UBR4: variants seen among roughly 807,000 people sequenced by gnomAD.
UBR4 encodes E3 ubiquitin-protein ligase UBR4.
A neutral mutation model predicts 575.6 loss-of-function variants in UBR4; 124 were observed. The ratio of observed to expected loss-of-function variants is 0.22; its 90% confidence interval spans 0.19 to 0.25. UBR4 has a LOEUF of 0.25. Ranked by LOEUF, UBR4 falls within the 10% of genes least tolerant of loss-of-function variation. UBR4 has a pLI of 1.00. For missense variants in UBR4, 4,818 were observed against 6,478.8 expected, an observed-to-expected ratio of 0.74 and a Z score of 8.80; for synonymous variants, 2,455 against 2,473.7, an observed-to-expected ratio of 0.99 and a Z score of 0.22.
intron 44 of UBR4, 109 bp downstream of exon 44, chr1:19,154,809 G>C (rs1286454029): frequency 6.7e-7 from 1 of 1,490,568 alleles, no homozygotes; most frequent in Non-Finnish European, 9.2e-7. Context: ...AGGTTGGCTG[G>C]AGAAAATTAA....
chr1:19,080,982 G>T, intron 103 of UBR4: 1 of 190,202 alleles, frequency 5.3e-6, no homozygotes, highest in East Asian at 1.3e-4. Flanking sequence ...ACCCCATGTG[G>T]CCACACTGAA....
intron 58 of UBR4, 80 bp downstream of exon 58, chr1:19,140,708 C>A: frequency 7.2e-7 from 1 of 1,388,326 alleles, no homozygotes; most frequent in Admixed American, 2.0e-5. Context: ...AAGCAGCTGC[C>A]CATTACACTC....
intron 90 of UBR4, among the ~76,000 whole-genome samples, chr1:19,098,462 C>T (rs2078280980): frequency 6.6e-6 from 1 of 152,210 alleles, no homozygotes; most frequent in Admixed American, 6.5e-5. Context: ...AAGGGAGATA[C>T]CCTGGTGCAT....
chr1:19,164,766 T>C, intron 32 of UBR4, 33 bp downstream of exon 32: 1 of 1,606,962 alleles, frequency 6.2e-7, no homozygotes, highest in South Asian at 1.1e-5. Flanking sequence ...CTGGGGTTGC[T>C]AGGGAAACAC....
At chr1:19,148,662 C>T (rs1290543542) in intron 49 of UBR4, 36 bp from the exon 50 acceptor site, 42 of 1,611,754 alleles carry the variant, frequency 2.6e-5, no homozygotes, top group African/African-American at 2.7e-5. Context: ...AGTACAACAC[C>T]GTTCTCTCCG....
chr1:19,141,297 T>C (rs1349776555), intron 57 of UBR4, 50 bp downstream of exon 57: 1 of 1,613,040 alleles, frequency 6.2e-7, no homozygotes, highest in South Asian at 1.1e-5. Flanking sequence ...CAAACCCTCT[T>C]TTCCTGTGCA....
intron 8 of UBR4, among the ~76,000 whole-genome samples, chr1:19,194,082 T>C (rs1362258847): frequency 6.6e-6 from 1 of 152,126 alleles, no homozygotes; most frequent in Non-Finnish European, 1.5e-5. Context: ...TTTAGGATAG[T>C]GAAACTATTT....
rs761058240 is a variant in UBR4, at chr1:19,093,132, C to T, written c.14111+181G>A. Among the ~76,000 whole-genome samples, 21 of 152,232 alleles carry T rather than the reference C, an allele frequency of 1.4e-4. No homozygotes were observed. The highest frequency in any genetic ancestry group is 2.5e-4 in the Non-Finnish European group (17 of 68,048). On this transcript the variant is annotated intron_variant, in intron 96 of 105. Coordinates refer to ENST00000375254, the MANE Select transcript of UBR4 (RefSeq NM_020765.3). The surrounding 1 kb of genome is among the most constrained non-coding windows in gnomAD (Gnocchi z 4.8). ...AAACCAAAAAGTTGCCATCCTTTTC[C>T]GGCAAGCCCCGAGGACTCTGCAGTG...
chr1:19,102,381 T>C (rs2078728471), intron 87 of UBR4, among the ~76,000 whole-genome samples: 2 of 151,110 alleles, frequency 1.3e-5, no homozygotes, highest in South Asian at 2.1e-4. Flanking sequence ...AAAGTCCCAC[T>C]GTTGCATTAC....
Position 19,157,015 on chromosome 1 carries a change from C to T in UBR4, c.5761-90G>A. The T allele has an allele frequency of 2.1e-6, 3 of 1,421,768 alleles. No homozygotes were observed. Among genetic ancestry groups the T allele is most frequent in the Non-Finnish European group, 2.8e-6 (3 of 1,056,204 alleles). 88.1% of individuals were successfully genotyped at this position (1,421,768 alleles called of 1,614,324 possible). On this transcript the variant is annotated intron_variant, in intron 40 of 105. Coordinates refer to ENST00000375254, the MANE Select transcript of UBR4 (RefSeq NM_020765.3). The surrounding 1 kb of genome is among the most constrained non-coding windows in gnomAD (Gnocchi z 4.4). ...ACAAAAACTCTTTCAATAGGGATAA[C>T]AGGTTGCACACTTTTTTCTTTACAG...
In UBR4 at chr1:19,128,312, G is replaced by C. The variant is rs1278581773; in HGVS notation, c.9010C>G (p.Leu3004Val). The change falls in exon 62 of 106, where the codon CTA (leucine) becomes GTA (valine). Residue 3004 changes from leucine to valine, a missense_variant. By Grantham distance (32) the Leu-to-Val change is conservative. This residue lies in a region of UBR4 where 87 missense variants were observed against 82.8 expected (regional missense o/e 1.05). Coordinates refer to ENST00000375254, the MANE Select transcript of UBR4 (RefSeq NM_020765.3). ...VRAIPYMQVI[L>V]MLTTDLDGED... The stretch of plus-strand genomic sequence containing the variant: ...CCATCCAGATCTGTAGTGAGCATTA[G>C]AATGACCTAGAAGTCAAAGACAGAA... The C allele has an allele frequency of 2.5e-6, 4 of 1,613,592 alleles. No homozygotes were observed. The highest frequency in any genetic ancestry group is 1.3e-5 in the African/African-American group (1 of 75,002).
rs841373 is a variant in UBR4, at chr1:19,198,126, C to T, written c.649-77G>A. ...AACTGTCAAAAGTGAGCAGTAGCTG[C>T]ACGGATACTCTCCAGACTCCCCAGT... On this transcript the variant is annotated intron_variant, in intron 5 of 105. Coordinates refer to ENST00000375254, the MANE Select transcript of UBR4 (RefSeq NM_020765.3). 479 of 1,377,166 alleles carry T rather than the reference C, an allele frequency of 3.5e-4. No homozygotes were observed. The African/African-American group carries it at 6.3e-3, about 18-fold the overall frequency. 85.3% of individuals were successfully genotyped at this position (1,377,166 alleles called of 1,614,324 possible). A position where few individuals can be genotyped will look rare whatever the true frequency, so the allele number is the denominator to read the frequency against.
chr1:19,115,391 GACTT>G lies in UBR4; in HGVS notation c.11063+3_11063+6del, dbSNP rs779071839. The G allele has an allele frequency of 3.7e-6, 6 of 1,613,652 alleles. No individual in the cohort carries two copies. In the Admixed American group the frequency reaches 1.0e-4, roughly 27 times the overall value. On this transcript the variant is annotated splice_donor_5th_base_variant and intron_variant, in intron 74 of 105. Coordinates refer to ENST00000375254, the MANE Select transcript of UBR4 (RefSeq NM_020765.3). ...AGCCCTGGCCTAGGGGATGACCAAT[GACTT>G]ACCTGCATTTGTGACACTGGTACAC...
At chr1:19,147,396 G>A (rs1054933181) in intron 51 of UBR4, among the ~76,000 whole-genome samples, 1 of 152,124 alleles carries the variant, frequency 6.6e-6, no homozygotes, top group Non-Finnish European at 1.5e-5. Flanking sequence ...TCAGTTCTCC[G>A]GGTTGGAGGC....
chr1:19,131,964 T>C (rs1017361397), intron 60 of UBR4, among the ~76,000 whole-genome samples: 2 of 152,126 alleles, frequency 1.3e-5, no homozygotes, highest in Non-Finnish European at 2.9e-5. Flanking sequence ...AAAAGATAAC[T>C]AGAAAATTCC....
chr1:19,160,942 C>A lies in UBR4; in HGVS notation c.5381G>T (p.Gly1794Val). ...CTGGTTCTGTAATTCCTCCCGGCAG[C>A]CCTCTACTGTGCGGCAGAGGCTGCT... ...KKSSLCRTVE[G>V]CREELQNQAN... The change falls in exon 38 of 106, where the codon GGC (glycine) becomes GTC (valine). Residue 1794 changes from glycine to valine, a missense_variant. Transcript: ENST00000375254. 6.2e-7 allele frequency: 1 copy of A among 1,614,162 alleles called. No individual in the cohort carries two copies. Among genetic ancestry groups the A allele is most frequent in the Non-Finnish European group, 8.5e-7 (1 of 1,180,012 alleles).
In UBR4 at chr1:19,177,558, T is replaced by C; in HGVS notation, c.2540A>G (p.Gln847Arg). Residue 847 changes from glutamine to arginine, a missense_variant, in exon 19 of 106, where the codon CAG becomes CGG. Gln to Arg is a conservative substitution (Grantham distance 43). Transcript: ENST00000375254. Reference sequence around the variant, plus strand: ...CAAGATAAGCGGCACGAAGCGCATCTGAGCATCCATGTTGACGCTCAACTC... The same window carrying C: ...CAAGATAAGCGGCACGAAGCGCATCCGAGCATCCATGTTGACGCTCAACTC... The part of the protein sequence containing the change: ...IQELSVNMDA[Q>R]MRFVPLILAR... 1.2e-6 allele frequency: 2 copies of C among 1,613,748 alleles called. No individual in the cohort carries two copies. The highest frequency in any genetic ancestry group is 1.3e-5 in the African/African-American group (1 of 74,930).
At position 19,151,771 on chromosome 1, in the gene UBR4, T is replaced by C. The variant is rs1423491266; in HGVS notation, c.7085A>G (p.Glu2362Gly). ...MRIQIGTQAI[E>G]RAPSYIEIFG... ...GATCTCGATATATGACGGGGCCCGT[T>C]CTATTGCTTGAGTCCCAATCTGGAT... The change falls in exon 48 of 106, where the codon GAA becomes GGA. Residue 2362 changes from glutamate to glycine, a missense_variant. By Grantham distance (98) the Glu-to-Gly change is moderately conservative. Coordinates refer to ENST00000375254, the MANE Select transcript of UBR4 (RefSeq NM_020765.3). The C allele has an allele frequency of 1.9e-6, 3 of 1,614,188 alleles. No individual in the cohort carries two copies. The highest frequency in any genetic ancestry group is 2.7e-5 in the African/African-American group (2 of 75,054).
At chr1:19,160,713 C>T (rs559967843) in intron 38 of UBR4, among the ~76,000 whole-genome samples, 55 of 152,290 alleles carry the variant, frequency 3.6e-4, no homozygotes, top group Non-Finnish European at 1.8e-4. Context: ...TTTATGCTTC[C>T]ATCACCCCCC....
Sources: gnomAD v4.1 joint callset for allele counts (sites outside exome capture counted in the v4.1 genomes callset) on GRCh38, gnomAD v4.1.1 for gene constraint, gnomAD v4.1.1 regional missense constraint, Gnocchi (gnomAD v3.1) non-coding constraint, MANE v1.5 for transcripts, NCBI Gene and HGNC (gene_info 2026-07-23, HGNC 2026-07-21) for gene names.